The following CADPS variants were observed in gnomAD, a reference collection of about 807,000 sequenced individuals.
CADPS encodes the protein calcium dependent secretion activator, also known as calcium-dependent secretion activator 1.
In CADPS, 57 loss-of-function variants were observed where a neutral mutation model predicts 167.3. That is an observed-to-expected ratio of 0.34 (90% CI 0.28 to 0.42). CADPS has a LOEUF of 0.42. CADPS is among the 20% of genes least tolerant of loss of function. The pLI is 1.00. For missense variants in CADPS, 1,414 were observed against 1,738.1 expected, an observed-to-expected ratio of 0.81 and a Z score of 3.32; for synonymous variants, 676 against 635.3, an observed-to-expected ratio of 1.06 and a Z score of -0.96.
At chr3:62,581,449 T>TAAAAAAAAAAA (rs549450552) in intron 8 of CADPS, among the ~76,000 whole-genome samples, 1 of 121,516 alleles carries the variant, frequency 8.2e-6, no homozygotes, top group African/African-American at 3.0e-5. Context: ...GTTAGAAAAT[T>TAAAAAAAAAAA]AAAAAAAAAA....
chr3:62,663,067 G>A (rs534457398), intron 3 of CADPS, among the ~76,000 whole-genome samples: 26 of 152,296 alleles, frequency 1.7e-4, no homozygotes, highest in African/African-American at 6.0e-4. Context: ...AAAGAAAAAG[G>A]GGTCAGTTAT....
At chr3:62,690,171 G>A (rs1011308165) in intron 3 of CADPS, among the ~76,000 whole-genome samples, 1 of 151,958 alleles carries the variant, frequency 6.6e-6, no homozygotes, top group African/African-American at 2.4e-5. Context: ...CAATGCTGGA[G>A]CTGGAGCTGA....
chr3:62,596,434 G>A (rs1350116448), intron 6 of CADPS, among the ~76,000 whole-genome samples: 1 of 151,996 alleles, frequency 6.6e-6, no homozygotes, highest in African/African-American at 2.4e-5. Context: ...CTGACCTCAA[G>A]TGATCCACCC....
intron 3 of CADPS, among the ~76,000 whole-genome samples, chr3:62,714,036 C>A (rs1289233670): frequency 6.6e-6 from 1 of 152,146 alleles, no homozygotes. Flanking sequence ...GTATTATTAG[C>A]CCCATTTTAT....
intron 3 of CADPS, among the ~76,000 whole-genome samples, chr3:62,715,090 C>T (rs1484925468): frequency 6.6e-6 from 1 of 152,100 alleles, no homozygotes; most frequent in East Asian, 1.9e-4. Flanking sequence ...AAGATACATG[C>T]TGAAATAAAT....
intron 3 of CADPS, among the ~76,000 whole-genome samples, chr3:62,737,596 A>T (rs1170206102): frequency 2.0e-5 from 3 of 152,212 alleles, no homozygotes; most frequent in Non-Finnish European, 4.4e-5. Context: ...TAAACACCTA[A>T]GAGCTTCTTA....
chr3:62,731,766 C>T (rs186137064), intron 3 of CADPS, among the ~76,000 whole-genome samples: 16 of 123,138 alleles, frequency 1.3e-4, no homozygotes, highest in African/African-American at 3.8e-4. Context: ...CTCCTGCCCT[C>T]ATGGAGCTGA....
chr3:62,461,292 T>C (rs2059317725), intron 26 of CADPS, among the ~76,000 whole-genome samples: 1 of 152,240 alleles, frequency 6.6e-6, no homozygotes, highest in African/African-American at 2.4e-5. Context: ...ATTCATCTAA[T>C]ATAACCATCA....
intron 3 of CADPS, among the ~76,000 whole-genome samples, chr3:62,690,778 C>A (rs1335447070): frequency 6.6e-6 from 1 of 151,950 alleles, no homozygotes; most frequent in African/African-American, 2.4e-5. Context: ...GTCCATCCAC[C>A]TGTACACAAA....
At chr3:62,868,477 T>C (rs1157391161) in intron 1 of CADPS, among the ~76,000 whole-genome samples, 3 of 152,100 alleles carry the variant, frequency 2.0e-5, no homozygotes, top group Admixed American at 1.3e-4. Context: ...TTGTCATATC[T>C]TCCACTTGTA....
chr3:62,399,241 G>A lies in CADPS; in HGVS notation c.*165C>T. 1 of 606,774 alleles carries A rather than the reference G, an allele frequency of 1.6e-6. No individual in the cohort carries two copies. The highest frequency in any genetic ancestry group is 2.1e-5 in the South Asian group (1 of 47,150). The allele number at this position is 606,774 out of a possible 1,614,324, so 37.6% of individuals were successfully genotyped here. On this transcript the variant is annotated 3_prime_UTR_variant, in exon 30 of 30. Coordinates refer to ENST00000383710, the MANE Select transcript of CADPS (RefSeq NM_003716.4). The surrounding 1 kb of genome is among the most constrained non-coding windows in gnomAD (Gnocchi z 5.6). ...ACATCAGGAAATCAGTGGATATGAA[G>A]GTCATTTGCTAATCTTGGTACCACA... is the stretch of plus-strand genomic sequence containing the variant.
Position 62,748,393 on chromosome 3 carries a change from CCTT to C in CADPS, c.888+5045_888+5047del, listed in dbSNP as rs1194849869. ...AAAAAATTAAGATGTAGACCTTACT[CCTT>C]CTAAAATGCACATTTGAGGTATTTT... On this transcript the variant is annotated intron_variant, in intron 3 of 29. Coordinates refer to ENST00000383710, the MANE Select transcript of CADPS (RefSeq NM_003716.4). Among the ~76,000 whole-genome samples, 4 of 143,398 alleles carry C rather than the reference CCTT, an allele frequency of 2.8e-5. No homozygotes were observed. The South Asian group carries it at 6.6e-4, about 24-fold the overall frequency. The allele number at this position is 143,398 out of a possible 152,430, so 94.1% of individuals were successfully genotyped here.
chr3:62,600,739 C>T (rs533392171), intron 6 of CADPS, among the ~76,000 whole-genome samples: 4 of 152,270 alleles, frequency 2.6e-5, no homozygotes, highest in African/African-American at 4.8e-5. Context: ...GGGGGAGATG[C>T]CCCGTGCAGA....
intron 28 of CADPS, among the ~76,000 whole-genome samples, chr3:62,435,555 A>C (rs767740342): frequency 1.1e-4 from 17 of 152,194 alleles, no homozygotes; most frequent in Admixed American, 2.0e-4. Flanking sequence ...TTTGCACTAC[A>C]TCAGTTAGGT....
At chr3:62,685,455 G>C (rs562223933) in intron 3 of CADPS, among the ~76,000 whole-genome samples, 2 of 152,080 alleles carry the variant, frequency 1.3e-5, no homozygotes, top group Non-Finnish European at 2.9e-5. Flanking sequence ...TTAGAAGAGA[G>C]AGGGACCTTA....
intron 1 of CADPS, among the ~76,000 whole-genome samples, chr3:62,772,209 G>A (rs1398394314): frequency 6.6e-6 from 1 of 151,850 alleles, no homozygotes; most frequent in Non-Finnish European, 1.5e-5. Flanking sequence ...TTCTTTCAAT[G>A]CTTTTTTTAT....
chr3:62,442,331 C>T (rs1453355152), intron 27 of CADPS, among the ~76,000 whole-genome samples: 1 of 151,806 alleles, frequency 6.6e-6, no homozygotes, highest in African/African-American at 2.4e-5. Context: ...CCTGCCTCAG[C>T]CTCTCTGGAG....
intron 1 of CADPS, among the ~76,000 whole-genome samples, chr3:62,810,879 A>G (rs543103329): frequency 6.6e-6 from 1 of 152,358 alleles, no homozygotes; most frequent in Admixed American, 6.5e-5. Flanking sequence ...AGAGCTGTGC[A>G]CAAAGCACAA....
chr3:62,572,927 G>A (rs2081555338), intron 8 of CADPS, among the ~76,000 whole-genome samples: 1 of 152,006 alleles, frequency 6.6e-6, no homozygotes, highest in African/African-American at 2.4e-5. Flanking sequence ...CGTCACCCAG[G>A]CTGGAGTGCA....
Sources: allele counts gnomAD v4.1 joint callset (sites outside exome capture counted in the v4.1 genomes callset), GRCh38; gene constraint gnomAD v4.1.1; non-coding constraint Gnocchi (gnomAD v3.1); transcripts MANE v1.5; gene names NCBI Gene and HGNC (gene_info 2026-07-23, HGNC 2026-07-21).